ZBTB6: variants seen among roughly 807,000 people sequenced by gnomAD.
ZBTB6 encodes the protein zinc finger and BTB domain-containing protein 6.
ZBTB6 carries 11 observed loss-of-function variants against 30.6 expected under a neutral mutation model. The ratio of observed to expected loss-of-function variants is 0.36; its 90% confidence interval spans 0.23 to 0.60. The LOEUF (loss-of-function observed/expected upper bound fraction) is 0.60, where lower values mean the gene tolerates loss of function less well. ZBTB6 is among the 20% of genes least tolerant of loss of function. The probability of loss-of-function intolerance (pLI) is 0.75; values close to 1 mark genes in which losing one functional copy is unlikely to be tolerated. For synonymous variants in ZBTB6, 174 were observed against 172.0 expected, an observed-to-expected ratio of 1.01 and a Z score of -0.09; for missense variants, 380 against 489.4, an observed-to-expected ratio of 0.78 and a Z score of 2.11.
At position 122,910,945 on chromosome 9, in the gene ZBTB6, G is replaced by A. The variant is rs970072313; in HGVS notation, c.1128C>T (p.His376=). The A allele has an allele frequency of 2.5e-6, 4 of 1,614,192 alleles. No individual in the cohort carries two copies. Among genetic ancestry groups the A allele is most frequent in the South Asian group, 1.1e-5 (1 of 91,088 alleles). Residue 376 remains histidine, a synonymous_variant, in exon 2 of 2, where the codon CAC becomes CAT. Transcript: ENST00000373659. The part of the protein sequence containing the change: ...KSTLQDHLNI[H]SGDRPYKCHC... Reference sequence around the variant, plus strand: ...GGCATTTGTATGGCCGATCCCCACTGTGTATGTTCAAGTGGTCCTGAAGTG... The same window carrying A: ...GGCATTTGTATGGCCGATCCCCACTATGTATGTTCAAGTGGTCCTGAAGTG...
Position 122,911,552 on chromosome 9 carries a change from A to G in ZBTB6, c.521T>C (p.Ile174Thr). 8 of 1,613,966 alleles carry G rather than the reference A, an allele frequency of 5.0e-6. No individual in the cohort carries two copies. The South Asian group carries it at 8.8e-5, about 18-fold the overall frequency. The change falls in exon 2 of 2, where the codon ATA (isoleucine) becomes ACA (threonine). Residue 174 changes from isoleucine (I) to threonine (T), a missense_variant. Transcript: ENST00000373659. This position sits in a 1 kb window ranked among gnomAD's most constrained non-coding sequence, Gnocchi z 4.5. ...TTCCTCTTCTTTAACATGGAAATCT[A>G]TGTTTACAGGACTATCTTCTGAAAT... Reference protein sequence around the residue: ...IEISEDSPVNIDFHVKEEESN... With the variant: ...IEISEDSPVNTDFHVKEEESN...
chr9:122,912,022 A>T lies in ZBTB6; in HGVS notation c.51T>A (p.Asp17Glu). 6.2e-7 allele frequency: 1 copy of T among 1,614,086 alleles called. No individual in the cohort carries two copies. Among genetic ancestry groups the T allele is most frequent in the Non-Finnish European group, 8.5e-7 (1 of 1,179,988 alleles). ...VLHFQFEQQG[D>E]VVLQKMNLLR... ...AAAGATTCATTTTCTGCAAGACCACATCTCCTTGCTGTTCAAACTGGAAAT... is the reference window on the plus strand; with the variant it reads ...AAAGATTCATTTTCTGCAAGACCACTTCTCCTTGCTGTTCAAACTGGAAAT... The change falls in exon 2 of 2, where the codon GAT (aspartate) becomes GAA (glutamate). Residue 17 changes from aspartate (D) to glutamate (E), a missense_variant. By Grantham distance (45) the Asp-to-Glu change is conservative. Transcript: ENST00000373659.
rs1383721650 is a variant in ZBTB6, at chr9:122,908,452, C to CA, written c.*2345dup. 1 of 152,480 alleles carries CA rather than the reference C, an allele frequency of 6.6e-6. No individual in the cohort carries two copies. The highest frequency in any genetic ancestry group is 2.1e-4 in the South Asian group (1 of 4,822). The allele number at this position is 152,480 out of a possible 1,614,324, so 9.4% of individuals were successfully genotyped here. A position where few individuals can be genotyped will look rare whatever the true frequency, so the allele number is the denominator to read the frequency against. On this transcript the variant is annotated 3_prime_UTR_variant, in exon 2 of 2. Transcript: ENST00000373659. ...CTTTCACAAAACACCCCTCCCCCAG[C>CA]AAAAATCTCAAAGTGCTCACAAAAA...
At chr9:122,912,126 A>AT in intron 1 of ZBTB6, 45 bp from the exon 2 acceptor site, 1 of 1,529,218 alleles carries the variant, frequency 6.5e-7, no homozygotes, top group Non-Finnish European at 8.8e-7. Flanking sequence ...AGGATAGGGA[A>AT]TGCTTTCCCA....
chr9:122,912,177 A>G, intron 1 of ZBTB6, 96 bp from the exon 2 acceptor site: 1 of 1,234,490 alleles, frequency 8.1e-7, no homozygotes, highest in Non-Finnish European at 1.1e-6. Flanking sequence ...CCAAACCTGA[A>G]TTAGGAAGAA....
At position 122,911,239 on chromosome 9, in the gene ZBTB6, C is replaced by G. The variant is rs149637864; in HGVS notation, c.834G>C (p.Glu278Asp). Residue 278 changes from glutamate (E) to aspartate (D), a missense_variant, in exon 2 of 2, where the codon GAG becomes GAC. Glu to Asp is a conservative substitution (Grantham distance 45). Transcript: ENST00000373659. The surrounding 1 kb of genome is among the most constrained non-coding windows in gnomAD (Gnocchi z 4.5). ...CTGTACCATAACTTCCTTCAGTATTCTCACAAAATAAGCCCTGATCTTGAT... is the reference window on the plus strand; with the variant it reads ...CTGTACCATAACTTCCTTCAGTATTGTCACAAAATAAGCCCTGATCTTGAT... ...PGNQDQGLFC[E>D]NTEGSYGTVS... The G allele has an allele frequency of 1.9e-6, 3 of 1,614,200 alleles. No individual in the cohort carries two copies. The highest frequency in any genetic ancestry group is 2.5e-6 in the Non-Finnish European group (3 of 1,180,040).
Position 122,908,413 on chromosome 9 carries a change from A to C in ZBTB6, c.*2385T>G, listed in dbSNP as rs41277138. 1,677 of 152,712 alleles carry C rather than the reference A, an allele frequency of 0.011. 11 individuals carry two copies. The highest frequency in any genetic ancestry group is 0.02 in the Middle Eastern group (6 of 294). 9.5% of individuals were successfully genotyped at this position (152,712 alleles called of 1,614,324 possible). A position where few individuals can be genotyped will look rare whatever the true frequency, so the allele number is the denominator to read the frequency against. On this transcript the variant is annotated 3_prime_UTR_variant, in exon 2 of 2. Transcript: ENST00000373659. ...CTACTGAACAGGAATAAATAATATA[A>C]ATAATAACCATCACTTTCACAAAAC...
Position 122,910,894 on chromosome 9 carries a change from G to A in ZBTB6, c.1179C>T (p.His393=), listed in dbSNP as rs1201025704. ...TTAAGTGCTTTTTGAGAGCAGACTT[G>A]TGCTTGAAATCCATATCACAACAGT... ...KCHCCDMDFK[H]KSALKKHLTS... The change falls in exon 2 of 2, where the codon CAC becomes CAT. Residue 393 remains histidine, a synonymous_variant. Coordinates refer to ENST00000373659, the MANE Select transcript of ZBTB6 (RefSeq NM_006626.6). 5 of 1,614,060 alleles carry A rather than the reference G, an allele frequency of 3.1e-6. No individual in the cohort carries two copies. The East Asian group carries it at 6.7e-5, about 22-fold the overall frequency.
chr9:122,908,847 A>C lies in ZBTB6; in HGVS notation c.*1951T>G, dbSNP rs991149488. 2 of 152,224 alleles carry C rather than the reference A, an allele frequency of 1.3e-5. No homozygotes were observed. The highest frequency in any genetic ancestry group is 4.8e-5 in the African/African-American group (2 of 41,458). 9.4% of individuals were successfully genotyped at this position (152,224 alleles called of 1,614,324 possible). On this transcript the variant is annotated 3_prime_UTR_variant, in exon 2 of 2. Coordinates refer to ENST00000373659, the MANE Select transcript of ZBTB6 (RefSeq NM_006626.6). Reference sequence around the variant, plus strand: ...AATTATGTCTCCAATGGAGTACTTAAGTAACAAAGTTCATAAAGACACAAA... The same window carrying C: ...AATTATGTCTCCAATGGAGTACTTACGTAACAAAGTTCATAAAGACACAAA...
At chr9:122,912,478 A>G (rs1832962743) in intron 1 of ZBTB6, among the ~76,000 whole-genome samples, 1 of 152,014 alleles carries the variant, frequency 6.6e-6, no homozygotes, top group Non-Finnish European at 1.5e-5. Context: ...CGTAATCTCC[A>G]AACTTCCTAC....
intron 1 of ZBTB6, 84 bp from the exon 2 acceptor site, chr9:122,912,165 C>T: frequency 7.4e-7 from 1 of 1,345,844 alleles, no homozygotes. Flanking sequence ...AAACGAAAAA[C>T]CCCAAACCTG....
rs1832929423 is a variant in ZBTB6, at chr9:122,909,091, A to G, written c.*1707T>C. 6.6e-6 allele frequency: 1 copy of G among 152,366 alleles called. No individual in the cohort carries two copies. Among genetic ancestry groups the G allele is most frequent in the East Asian group, 1.9e-4 (1 of 5,188 alleles). 9.4% of individuals were successfully genotyped at this position (152,366 alleles called of 1,614,324 possible). On this transcript the variant is annotated 3_prime_UTR_variant, in exon 2 of 2. Coordinates refer to ENST00000373659, the MANE Select transcript of ZBTB6 (RefSeq NM_006626.6). ...ATCAAACGAGACCTGCATTCTTGAAAGTCTCAAGGAAAGTTAAAATTCAGT... is the reference window on the plus strand; with the variant it reads ...ATCAAACGAGACCTGCATTCTTGAAGGTCTCAAGGAAAGTTAAAATTCAGT...
At chr9:122,912,420 A>T (rs1335293064) in intron 1 of ZBTB6, among the ~76,000 whole-genome samples, 1 of 151,986 alleles carries the variant, frequency 6.6e-6, no homozygotes, top group Non-Finnish European at 1.5e-5. Context: ...AAGCACTGTG[A>T]CCACCAAAAA....
chr9:122,911,445 T>C lies in ZBTB6; in HGVS notation c.628A>G (p.Ile210Val), dbSNP rs1215249404. The change falls in exon 2 of 2, where the codon ATA (isoleucine) becomes GTA (valine). Residue 210 changes from isoleucine to valine, a missense_variant. Ile to Val is a conservative substitution (Grantham distance 29). Coordinates refer to ENST00000373659, the MANE Select transcript of ZBTB6 (RefSeq NM_006626.6). The surrounding 1 kb of genome is among the most constrained non-coding windows in gnomAD (Gnocchi z 4.5). ...CAAATTTCATTGTCTTTAAAACCTA[T>C]GTCTACTGTAGACAGCTCTGGTGAC... ...MKSPELSTVD[I>V]GFKDNEICIL... is the part of the protein sequence containing the mutation. The C allele has an allele frequency of 6.2e-7, 1 of 1,614,108 alleles. No homozygotes were observed. Among genetic ancestry groups the C allele is most frequent in the Non-Finnish European group, 8.5e-7 (1 of 1,180,052 alleles).
Position 122,911,399 on chromosome 9 carries a change from A to C in ZBTB6, c.674T>G (p.Ile225Ser). Residue 225 changes from isoleucine (I) to serine (S), a missense_variant, in exon 2 of 2, where the codon ATC (isoleucine) becomes AGC (serine). Physicochemically the swap from Ile to Ser is moderately radical, Grantham distance 142 (BLOSUM62 -2). Transcript: ENST00000373659. This position sits in a 1 kb window ranked among gnomAD's most constrained non-coding sequence, Gnocchi z 4.5. The stretch of plus-strand genomic sequence containing the variant: ...CCCATTTTCGACACCAGCTGTACTG[A>C]TGGATTCTACATGAAGGATACAAAT... Reference protein sequence around the residue: ...NEICILHVESISTAGVENGQF... With the variant: ...NEICILHVESSSTAGVENGQF... The C allele has an allele frequency of 6.2e-7, 1 of 1,614,168 alleles. No homozygotes were observed. Among genetic ancestry groups the C allele is most frequent in the South Asian group, 1.1e-5 (1 of 91,086 alleles).
In ZBTB6 at chr9:122,908,740, A is replaced by C. The variant is rs1832926000; in HGVS notation, c.*2058T>G. On this transcript the variant is annotated 3_prime_UTR_variant, in exon 2 of 2. Coordinates refer to ENST00000373659, the MANE Select transcript of ZBTB6 (RefSeq NM_006626.6). Reference sequence around the variant, plus strand: ...ACCAACAAATGGCCAATCTTAGGTCAAATGGAAGCAATGAACTATGAATGA... The same window carrying C: ...ACCAACAAATGGCCAATCTTAGGTCCAATGGAAGCAATGAACTATGAATGA... 6.6e-6 allele frequency: 1 copy of C among 152,224 alleles called. No individual in the cohort carries two copies. Among genetic ancestry groups the C allele is most frequent in the Non-Finnish European group, 1.5e-5 (1 of 68,034 alleles). 9.4% of individuals were successfully genotyped at this position (152,224 alleles called of 1,614,324 possible). A position where few individuals can be genotyped will look rare whatever the true frequency, so the allele number is the denominator to read the frequency against.
chr9:122,909,496 G>A lies in ZBTB6; in HGVS notation c.*1302C>T, dbSNP rs375785658. The A allele has an allele frequency of 3.3e-5, 5 of 152,174 alleles. No homozygotes were observed. The East Asian group carries it at 5.8e-4, about 18-fold the overall frequency. The allele number at this position is 152,174 out of a possible 1,614,324, so 9.4% of individuals were successfully genotyped here. On this transcript the variant is annotated 3_prime_UTR_variant, in exon 2 of 2. Coordinates refer to ENST00000373659, the MANE Select transcript of ZBTB6 (RefSeq NM_006626.6). Reference sequence around the variant, plus strand: ...GAACACCATCTCAAATATGACTCTCGCTAAAATAATCATACAGTCATAGTT... The same window carrying A: ...GAACACCATCTCAAATATGACTCTCACTAAAATAATCATACAGTCATAGTT...
rs770258579 is a variant in ZBTB6, at chr9:122,910,982, G to A, written c.1091C>T (p.Thr364Ile). 6.2e-7 allele frequency: 1 copy of A among 1,614,230 alleles called. No homozygotes were observed. Reference protein sequence around the residue: ...FQCTVCLKTFTAKSTLQDHLN... With the variant: ...FQCTVCLKTFIAKSTLQDHLN... Reference sequence around the variant, plus strand: ...GTGGTCCTGAAGTGTGCTTTTGGCAGTAAATGTCTTCAAGCACACAGTACA... The same window carrying A: ...GTGGTCCTGAAGTGTGCTTTTGGCAATAAATGTCTTCAAGCACACAGTACA... Residue 364 changes from threonine to isoleucine, a missense_variant, in exon 2 of 2, where the codon ACT becomes ATT. Coordinates refer to ENST00000373659, the MANE Select transcript of ZBTB6 (RefSeq NM_006626.6).
Position 122,911,729 on chromosome 9 carries a change from A to G in ZBTB6, c.344T>C (p.Ile115Thr), listed in dbSNP as rs1564332000. ...CAAAGCTTCTGTGCACTTTTCCACA[A>G]TGTGAACCATCTGAAGGTAACTGGC... ...TAASYLQMVH[I>T]VEKCTEALSK... Residue 115 changes from isoleucine (I) to threonine (T), a missense_variant, in exon 2 of 2, where the codon ATT (isoleucine) becomes ACT (threonine). Ile to Thr is a moderately conservative substitution (Grantham distance 89). Transcript: ENST00000373659. This position sits in a 1 kb window ranked among gnomAD's most constrained non-coding sequence, Gnocchi z 4.5. 6.2e-7 allele frequency: 1 copy of G among 1,614,064 alleles called. No homozygotes were observed.
Sources: allele counts gnomAD v4.1 joint callset (sites outside exome capture counted in the v4.1 genomes callset), GRCh38; gene constraint gnomAD v4.1.1; non-coding constraint Gnocchi (gnomAD v3.1); transcripts MANE v1.5; gene names NCBI Gene and HGNC (gene_info 2026-07-23, HGNC 2026-07-21).